Variants in CREBZF observed in about 807,000 individuals in gnomAD.
The protein encoded by CREBZF is HCF-binding transcription factor Zhangfei.
CREBZF carries 8 observed loss-of-function variants against 21.1 expected under a neutral mutation model. The ratio of observed to expected loss-of-function variants is 0.38; its 90% CI spans 0.22 to 0.68. CREBZF has a LOEUF of 0.68. Among genes scored for constraint, CREBZF ranks in the 30% least tolerant of loss-of-function variants. The probability of loss-of-function intolerance (pLI) is 0.51; values close to 1 mark genes in which losing one functional copy is unlikely to be tolerated. For synonymous variants in CREBZF, 270 were observed against 223.3 expected (o/e 1.21, Z -1.86); for missense variants, 518 against 484.3 (o/e 1.07, Z -0.65).
At chr11:85,681,111 A>G (rs1011178128) in intron 1 of CREBZF, among the ~76,000 whole-genome samples, 2 of 152,146 alleles carry the variant, frequency 1.3e-5, no homozygotes, top group Non-Finnish European at 2.9e-5. Context: ...AGCTGTCTGG[A>G]GGGGGAGGGT....
intron 1 of CREBZF, among the ~76,000 whole-genome samples, chr11:85,671,319 T>C (rs1351160319): frequency 1.3e-5 from 2 of 152,174 alleles, no homozygotes; most frequent in Non-Finnish European, 2.9e-5. Context: ...CATGTGGGGA[T>C]TATGGGAGCT....
rs1377122543 is a variant in CREBZF, at chr11:85,664,465, C to G, written c.411G>C (p.Ser137=). Reference sequence around the variant, plus strand: ...CCCCTCTCCACAGGCCGCCGCTATCCGAGCCTCCGCCAGACGAGGAGAGAG... The same window carrying G: ...CCCCTCTCCACAGGCCGCCGCTATCGGAGCCTCCGCCAGACGAGGAGAGAG... ...PGPLSSSGGG[S]DSGGLWRGDD... Residue 137 remains serine (S), a synonymous_variant, in exon 1 of 1, where the codon TCG becomes TCC. Coordinates refer to ENST00000527447, the MANE Select transcript of CREBZF (RefSeq NM_001039618.4). This position sits in a 1 kb window ranked among gnomAD's most constrained non-coding sequence, Gnocchi z 5.5. 1 of 1,613,558 alleles carries G rather than the reference C, an allele frequency of 6.2e-7. No individual in the cohort carries two copies. The highest frequency in any genetic ancestry group is 2.2e-5 in the East Asian group (1 of 44,866).
At chr11:85,674,446 T>G (rs1328886270) in intron 1 of CREBZF, among the ~76,000 whole-genome samples, 1 of 152,230 alleles carries the variant, frequency 6.6e-6, no homozygotes, top group African/African-American at 2.4e-5. Flanking sequence ...AGATATGCTG[T>G]CATTCAGGCT....
chr11:85,670,272 C>CT (rs1421672828), intron 1 of CREBZF, among the ~76,000 whole-genome samples: 2 of 60,524 alleles, frequency 3.3e-5, no homozygotes, highest in African/African-American at 1.2e-4. Flanking sequence ...CACTTTAATC[C>CT]CCCCCCCCCA....
chr11:85,679,583 T>C (rs1212386971), intron 1 of CREBZF, among the ~76,000 whole-genome samples: 1 of 152,186 alleles, frequency 6.6e-6, no homozygotes, highest in African/African-American at 2.4e-5. Context: ...CTTGAGTATA[T>C]AAGAAAACCG....
chr11:85,678,766 T>C (rs1254108075), intron 1 of CREBZF, among the ~76,000 whole-genome samples: 1 of 152,272 alleles, frequency 6.6e-6, no homozygotes, highest in Non-Finnish European at 1.5e-5. Context: ...TTTAGCTTTC[T>C]GGGTACCTCT....
upstream of CREBZF, among the ~76,000 whole-genome samples, chr11:85,668,383 G>A (rs901244233): frequency 5.3e-5 from 8 of 151,916 alleles, no homozygotes; most frequent in East Asian, 1.9e-4. Flanking sequence ...TATTTCTTCC[G>A]TTCTATTTCT....
chr11:85,679,138 G>A (rs1398786508), intron 1 of CREBZF, among the ~76,000 whole-genome samples: 1 of 152,174 alleles, frequency 6.6e-6, no homozygotes, highest in African/African-American at 2.4e-5. Context: ...GGAACAGGAG[G>A]TACTGTGAAG....
chr11:85,670,814 G>T (rs2082907082), intron 1 of CREBZF, among the ~76,000 whole-genome samples: 1 of 152,178 alleles, frequency 6.6e-6, no homozygotes, highest in Non-Finnish European at 1.5e-5. Context: ...ATGACATGTT[G>T]AAATCCTAAT....
rs192512299 is a variant in CREBZF at position 85,679,430 on chromosome 11, A to G, written n.147+3287T>C. On this transcript the variant is annotated intron_variant and non_coding_transcript_variant, in intron 1 of 3. Coordinates refer to the CREBZF transcript ENST00000531515. ...TAGATTCTCAATAAATATTTGTTAAATTAATGCAATATATTCAGTGAATGA... is the reference window on the plus strand; with the variant it reads ...TAGATTCTCAATAAATATTTGTTAAGTTAATGCAATATATTCAGTGAATGA... Among the ~76,000 whole-genome samples, 18 of 152,364 alleles carry G rather than the reference A, an allele frequency of 1.2e-4. 1 individual carries two copies. Among genetic ancestry groups the G allele is most frequent in the African/African-American group, 3.6e-4 (15 of 41,588 alleles).
intron 1 of CREBZF, among the ~76,000 whole-genome samples, chr11:85,673,342 C>T (rs1040173080): frequency 1.3e-5 from 2 of 152,106 alleles, no homozygotes; most frequent in Non-Finnish European, 2.9e-5. Flanking sequence ...AGATTTGATT[C>T]CAGACCACCA....
At position 85,663,679 on chromosome 11, in the gene CREBZF, C is replaced by CT. The variant is rs2082754655; in HGVS notation, c.*131dup. 2.5e-6 allele frequency: 4 copies of CT among 1,610,080 alleles called. No individual in the cohort carries two copies. Among genetic ancestry groups the CT allele is most frequent in the Non-Finnish European group, 2.5e-6 (3 of 1,178,378 alleles). On this transcript the variant is annotated 3_prime_UTR_variant, in exon 1 of 1. Coordinates refer to ENST00000527447, the MANE Select transcript of CREBZF (RefSeq NM_001039618.4). The stretch of plus-strand genomic sequence containing the variant: ...TCACATTCATGCTTTTAGCTAAACA[C>CT]TTTAAGATTCAATATTACTTTTTTT...
upstream of CREBZF, among the ~76,000 whole-genome samples, chr11:85,668,956 C>T (rs572531233): frequency 9.7e-5 from 12 of 124,282 alleles, no homozygotes; most frequent in Non-Finnish European, 1.6e-4. Flanking sequence ...GAGCCGAGAT[C>T]GCGCCACTGC....
intron 1 of CREBZF, among the ~76,000 whole-genome samples, chr11:85,675,787 CT>C (rs1400229431): frequency 1.3e-5 from 2 of 152,146 alleles, no homozygotes; most frequent in Non-Finnish European, 2.9e-5. Flanking sequence ...GCTCATTTTA[CT>C]TTAGTTTGCC....
chr11:85,665,987 C>T (rs1477486832), upstream of CREBZF, among the ~76,000 whole-genome samples: 1 of 152,194 alleles, frequency 6.6e-6, no homozygotes, highest in Non-Finnish European at 1.5e-5. Flanking sequence ...CTTTAACTGA[C>T]GTCACCCTTG....
rs113731424 is a variant in CREBZF at position 85,658,648 on chromosome 11, T to TA, written c.*5162dup. On this transcript the variant is annotated 3_prime_UTR_variant, in exon 1 of 1. Coordinates refer to ENST00000527447, the MANE Select transcript of CREBZF (RefSeq NM_001039618.4). ...ATTTACTTTGTGTAGTTATTTGGCT[T>TA]AAAAAAAAAAAAAGAGGGCTCACAT... is the stretch of plus-strand genomic sequence containing the variant. Among the ~76,000 whole-genome samples, 314 of 143,468 alleles carry TA rather than the reference T, an allele frequency of 2.2e-3. 1 individual carries two copies. The highest frequency in any genetic ancestry group is 3.5e-3 in the South Asian group (16 of 4,612). The allele number at this position is 143,468 out of a possible 152,430, so 94.1% of individuals were successfully genotyped here.
rs2082815888 is a variant in CREBZF, at chr11:85,664,777, A to G, written c.99T>C (p.Ser33=). ...PEPAATCSLP[S]DLTRAAAGEE... is the part of the protein sequence containing the mutation. ...CCCCCGCTGCAGCCCGGGTCAGGTC[A>G]GAGGGCAGCGAACAAGTTGCAGCCG... The change falls in exon 1 of 1, where the codon TCT becomes TCC. Residue 33 remains serine, a synonymous_variant. Coordinates refer to ENST00000527447, the MANE Select transcript of CREBZF (RefSeq NM_001039618.4). This position sits in a 1 kb window ranked among gnomAD's most constrained non-coding sequence, Gnocchi z 5.5. 2.5e-6 allele frequency: 4 copies of G among 1,593,638 alleles called. No homozygotes were observed. The African/African-American group carries it at 4.1e-5, about 16-fold the overall frequency.
intron 1 of CREBZF, among the ~76,000 whole-genome samples, chr11:85,677,559 TGTG>T (rs1268875294): frequency 1.3e-5 from 2 of 152,242 alleles, no homozygotes; most frequent in African/African-American, 4.8e-5. Flanking sequence ...TTTGCTTTCT[TGTG>T]GTGTTATTTT....
upstream of CREBZF, among the ~76,000 whole-genome samples, chr11:85,666,770 A>G (rs146049814): frequency 6.6e-6 from 1 of 152,354 alleles, no homozygotes; most frequent in East Asian, 1.9e-4. Context: ...GACTGAAGCC[A>G]TAACACTAAA....
Sources: allele counts gnomAD v4.1 joint callset (sites outside exome capture counted in the v4.1 genomes callset), GRCh38; gene constraint gnomAD v4.1.1; non-coding constraint Gnocchi (gnomAD v3.1); transcripts MANE v1.5; gene names NCBI Gene and HGNC (gene_info 2026-07-23, HGNC 2026-07-21).